Variants in SLC4A7 observed in about 807,000 individuals in gnomAD.
SLC4A7 encodes the protein sodium bicarbonate cotransporter 3.
A neutral mutation model predicts 137.6 loss-of-function variants in SLC4A7; 51 were observed. The observed-to-expected ratio is 0.37, with a 90% CI of 0.30 to 0.47. The LOEUF is 0.47. Ranked by LOEUF, SLC4A7 falls within the 20% of genes least tolerant of loss-of-function variation. The pLI, the probability that SLC4A7 is intolerant of heterozygous loss-of-function variation, is 1.00. For synonymous variants in SLC4A7, 542 were observed against 518.6 expected (o/e 1.05, Z -0.61); for missense variants, 1,247 against 1,525.4 (o/e 0.82, Z 3.04).
intron 21 of SLC4A7, among the ~76,000 whole-genome samples, 193 bp downstream of exon 21, chr3:27,391,547 T>A (rs1286181201): frequency 6.6e-6 from 1 of 152,190 alleles, no homozygotes; most frequent in Non-Finnish European, 1.5e-5. Flanking sequence ...CAGCTCATGA[T>A]CTCACTCTCT....
rs2049754233 is a variant in SLC4A7, at chr3:27,374,269, G to A, written c.*2495C>T. 1 of 152,452 alleles carries A rather than the reference G, an allele frequency of 6.6e-6. No individual in the cohort carries two copies. Among genetic ancestry groups the A allele is most frequent in the Admixed American group, 6.6e-5 (1 of 15,266 alleles). The allele number at this position is 152,452 out of a possible 1,614,324, so 9.4% of individuals were successfully genotyped here. A position where few individuals can be genotyped will look rare whatever the true frequency, so the allele number is the denominator to read the frequency against. On this transcript the variant is annotated 3_prime_UTR_variant, in exon 26 of 26. Coordinates refer to ENST00000454389, the MANE Select transcript of SLC4A7 (RefSeq NM_001321103.2). ...ACTAAGCTCCATTCTGGAAATCAAGGCATCTAAAGAAAGTGCAGGGCTGAA... is the reference window on the plus strand; with the variant it reads ...ACTAAGCTCCATTCTGGAAATCAAGACATCTAAAGAAAGTGCAGGGCTGAA...
At chr3:27,469,389 C>T (rs2059143329) in intron 1 of SLC4A7, among the ~76,000 whole-genome samples, 1 of 152,190 alleles carries the variant, frequency 6.6e-6, no homozygotes, top group Admixed American at 6.6e-5. Context: ...ACCACCCCAT[C>T]CCCTACTAAT....
intron 1 of SLC4A7, among the ~76,000 whole-genome samples, chr3:27,458,591 T>C (rs908681765): frequency 1.3e-5 from 2 of 152,176 alleles, no homozygotes; most frequent in African/African-American, 2.4e-5. Flanking sequence ...CAAATAAACA[T>C]AAATCTAAAG....
intron 15 of SLC4A7, 176 bp from the exon 16 acceptor site, chr3:27,401,045 A>C: frequency 2.2e-6 from 1 of 447,984 alleles, no homozygotes; most frequent in South Asian, 4.4e-5. Context: ...AGTTTGGGTT[A>C]TAGAAATAAA....
intron 1 of SLC4A7, among the ~76,000 whole-genome samples, chr3:27,475,360 T>C (rs779226258): frequency 6.6e-6 from 1 of 150,800 alleles, no homozygotes; most frequent in African/African-American, 2.4e-5. Context: ...ATAAGTTTAA[T>C]AGAGTAATTC....
At chr3:27,421,546 C>T (rs1410213949) in intron 9 of SLC4A7, 76 bp downstream of exon 9, 7 of 1,092,506 alleles carry the variant, frequency 6.4e-6, no homozygotes, top group Non-Finnish European at 9.3e-6. Flanking sequence ...AATCAACATG[C>T]TTGTTCATTC....
chr3:27,409,617 T>C, intron 12 of SLC4A7, 87 bp from the exon 13 acceptor site: 1 of 939,170 alleles, frequency 1.1e-6, no homozygotes. Context: ...ACAAAACTGC[T>C]GGTGCCTAGG....
intron 1 of SLC4A7, among the ~76,000 whole-genome samples, chr3:27,464,943 C>T (rs1048522579): frequency 7.9e-5 from 12 of 152,082 alleles, no homozygotes; most frequent in Admixed American, 2.0e-4. Context: ...CTGTGTTGTT[C>T]TTTCTTTTTC....
chr3:27,459,780 T>C (rs1234458800), intron 1 of SLC4A7, among the ~76,000 whole-genome samples: 1 of 152,074 alleles, frequency 6.6e-6, no homozygotes, highest in Non-Finnish European at 1.5e-5. Flanking sequence ...CTTCCACTCA[T>C]GAGATATAAT....
chr3:27,392,661 T>C (rs1412003883), intron 20 of SLC4A7, among the ~76,000 whole-genome samples: 1 of 151,904 alleles, frequency 6.6e-6, no homozygotes, highest in African/African-American at 2.4e-5. Flanking sequence ...CCATCATCTC[T>C]ACCAAAAACA....
chr3:27,401,594 C>T (rs1306249356), intron 15 of SLC4A7, among the ~76,000 whole-genome samples: 1 of 152,082 alleles, frequency 6.6e-6, no homozygotes, highest in Non-Finnish European at 1.5e-5. Flanking sequence ...GATGACTGAC[C>T]TCCAAGTTTT....
chr3:27,404,730 A>C (rs2053161669), intron 14 of SLC4A7, 100 bp downstream of exon 14: 1 of 975,162 alleles, frequency 1.0e-6, no homozygotes, highest in African/African-American at 1.7e-5. Flanking sequence ...GAATGCATAT[A>C]TTGACCAAAT....
In SLC4A7 at chr3:27,390,047, A is replaced by T; in HGVS notation, c.3244T>A (p.Tyr1082Asn). The part of the protein sequence containing the change: ...MPAKHQPDLI[Y>N]LRYVPLWKVH... ...TTCCAGAGCGGCACATAACGGAGGT[A>T]TATCAAATCAGGCTGATGCTTAGCA... Residue 1082 changes from tyrosine (Y) to asparagine (N), a missense_variant, in exon 22 of 26, where the codon TAC (tyrosine) becomes AAC (asparagine). Around this residue, in one of 6 missense-constraint regions of SLC4A7, gnomAD observed 290 missense variants for 323.8 expected, o/e 0.90. Coordinates refer to ENST00000454389, the MANE Select transcript of SLC4A7 (RefSeq NM_001321103.2). 3 of 1,612,096 alleles carry T rather than the reference A, an allele frequency of 1.9e-6. No individual in the cohort carries two copies. Among genetic ancestry groups the T allele is most frequent in the Non-Finnish European group, 2.5e-6 (3 of 1,178,268 alleles).
chr3:27,453,557 G>A (rs1202000825), intron 1 of SLC4A7, among the ~76,000 whole-genome samples: 4 of 152,228 alleles, frequency 2.6e-5, no homozygotes. Context: ...AGGTATTGGT[G>A]AGCCAAGATC....
intron 23 of SLC4A7, among the ~76,000 whole-genome samples, chr3:27,385,073 A>C (rs796300010): frequency 2.4e-4 from 36 of 152,308 alleles, no homozygotes; most frequent in African/African-American, 8.7e-4. Flanking sequence ...AAGAATTTTA[A>C]TTTTTGTTGA....
chr3:27,481,902 G>A (rs897546820), intron 1 of SLC4A7, among the ~76,000 whole-genome samples: 1 of 152,134 alleles, frequency 6.6e-6, no homozygotes, highest in African/African-American at 2.4e-5. Flanking sequence ...CTGTGAGGCC[G>A]AGGTGGGTGG....
intron 7 of SLC4A7, among the ~76,000 whole-genome samples, chr3:27,429,645 T>G (rs1480560894): frequency 2.0e-5 from 3 of 150,342 alleles, no homozygotes; most frequent in Non-Finnish European, 4.4e-5. Flanking sequence ...AGGTCAGGAG[T>G]TCAAGACTAG....
chr3:27,449,828 A>G (rs1312837725), intron 2 of SLC4A7, among the ~76,000 whole-genome samples: 1 of 152,352 alleles, frequency 6.6e-6, no homozygotes, highest in East Asian at 1.9e-4. Context: ...CAAATGATTA[A>G]TGACATTCCT....
At chr3:27,426,763 A>T (rs2055670341) in intron 7 of SLC4A7, among the ~76,000 whole-genome samples, 1 of 152,200 alleles carries the variant, frequency 6.6e-6, no homozygotes, top group Non-Finnish European at 1.5e-5. Flanking sequence ...TGCATGCTAC[A>T]GTTCTTCATC....
Sources: gnomAD v4.1 joint callset for allele counts (sites outside exome capture counted in the v4.1 genomes callset) on GRCh38, gnomAD v4.1.1 for gene constraint, gnomAD v4.1.1 regional missense constraint, MANE v1.5 for transcripts, NCBI Gene and HGNC (gene_info 2026-07-23, HGNC 2026-07-21) for gene names.